The following SMAD1 variants were observed in gnomAD, a reference collection of about 807,000 sequenced individuals.
The protein encoded by SMAD1 is SMAD family member 1.
Under a neutral mutation model 41.6 loss-of-function variants are expected in SMAD1, and 6 were observed. That is an observed-to-expected ratio of 0.14 (90% CI 0.08 to 0.28). The LOEUF is 0.28. SMAD1 is among the 10% of genes least tolerant of loss of function. SMAD1 has a pLI of 1.00. For synonymous variants in SMAD1, 206 were observed against 203.2 expected (o/e 1.01, Z -0.12); for missense variants, 379 against 582.6 (o/e 0.65, Z 3.60).
intron 2 of SMAD1, among the ~76,000 whole-genome samples, chr4:145,532,582 T>C (rs1317925425): frequency 6.6e-6 from 1 of 152,254 alleles, no homozygotes; most frequent in Non-Finnish European, 1.5e-5. Flanking sequence ...GTTTTAACAT[T>C]GGGCTCTTCT....
At chr4:145,499,904 C>T (rs1314439743) in intron 1 of SMAD1, among the ~76,000 whole-genome samples, 4 of 152,008 alleles carry the variant, frequency 2.6e-5, no homozygotes, top group East Asian at 1.9e-4. Flanking sequence ...TATTCAATCT[C>T]TGGGTAGAAA....
chr4:145,514,858 G>C lies in SMAD1; in HGVS notation c.245G>C (p.Gly82Ala), dbSNP rs1244767218. ...DGRLQVSHRKGLPHVIYCRVW... is the reference protein window; with the variant it reads ...DGRLQVSHRKALPHVIYCRVW... ...AGGCTGCAAGTCTCCCACCGGAAGG[G>C]ACTGCCTCATGTCATTTACTGCCGT... is the stretch of plus-strand genomic sequence containing the variant. Residue 82 changes from glycine to alanine, a missense_variant, in exon 2 of 7, where the codon GGA becomes GCA. By Grantham distance (60) the Gly-to-Ala change is moderately conservative. Coordinates refer to ENST00000302085, the MANE Select transcript of SMAD1 (RefSeq NM_005900.3). This position sits in a 1 kb window ranked among gnomAD's most constrained non-coding sequence, Gnocchi z 4.7. 6.2e-7 allele frequency: 1 copy of C among 1,614,050 alleles called. No homozygotes were observed.
chr4:145,506,078 T>A (rs11937328), intron 1 of SMAD1, among the ~76,000 whole-genome samples: 1 of 152,058 alleles, frequency 6.6e-6, no homozygotes, highest in South Asian at 2.1e-4. Context: ...TCTTGACTGG[T>A]GATCCCCCCT....
chr4:145,497,309 C>T (rs965106254), intron 1 of SMAD1: 2 of 152,158 alleles, frequency 1.3e-5, no homozygotes, highest in African/African-American at 4.8e-5. Context: ...TGGAAGATGT[C>T]GTTGTAGCAC....
chr4:145,548,935 C>G (rs755524307), intron 5 of SMAD1, among the ~76,000 whole-genome samples: 6 of 152,196 alleles, frequency 3.9e-5, no homozygotes, highest in Non-Finnish European at 7.4e-5. Flanking sequence ...TATCATATAC[C>G]TCCAGATGTC....
At chr4:145,509,210 C>T (rs924653142) in intron 1 of SMAD1, among the ~76,000 whole-genome samples, 4 of 152,186 alleles carry the variant, frequency 2.6e-5, no homozygotes, top group African/African-American at 9.7e-5. Context: ...TTAGAATTAG[C>T]ATGCAGGTTA....
chr4:145,507,367 A>ATGTTCTGCGT (rs1729847276), intron 1 of SMAD1, among the ~76,000 whole-genome samples: 1 of 152,112 alleles, frequency 6.6e-6, no homozygotes, highest in African/African-American at 2.4e-5. Flanking sequence ...ACATATAACC[A>ATGTTCTGCGT]ACCATTTTAT....
intron 1 of SMAD1, among the ~76,000 whole-genome samples, chr4:145,494,371 C>T (rs182230537): frequency 3.3e-5 from 5 of 152,236 alleles, no homozygotes; most frequent in African/African-American, 7.2e-5. Context: ...ATTGTAAGTA[C>T]AGGACCTGCA....
rs375118739 is a variant in SMAD1, at chr4:145,556,528, C to T, written c.1255-1263C>T. On this transcript the variant is annotated intron_variant, in intron 6 of 6. Coordinates refer to ENST00000302085, the MANE Select transcript of SMAD1 (RefSeq NM_005900.3). ...CTGGAGTGCAATGGTGTGATCTCGGCTCACTGCAACCTCTGCCTCCCAGCT... is the reference window on the plus strand; with the variant it reads ...CTGGAGTGCAATGGTGTGATCTCGGTTCACTGCAACCTCTGCCTCCCAGCT... Among the ~76,000 whole-genome samples, 66 of 151,160 alleles carry T rather than the reference C, an allele frequency of 4.4e-4. 1 individual carries two copies. The South Asian group carries it at 0.012, about 27-fold the overall frequency.
intron 6 of SMAD1, 105 bp from the exon 7 acceptor site, chr4:145,557,686 A>G: frequency 1.2e-6 from 1 of 817,254 alleles, no homozygotes. Context: ...GGGAGGAAAG[A>G]TGCATAGCTT....
intron 2 of SMAD1, among the ~76,000 whole-genome samples, chr4:145,537,083 G>A (rs1056588229): frequency 1.3e-5 from 2 of 152,086 alleles, no homozygotes; most frequent in Non-Finnish European, 2.9e-5. Context: ...CAGATTACAG[G>A]ACACTAAAGA....
At chr4:145,486,383 TTGTC>T (rs770983575) in intron 1 of SMAD1, among the ~76,000 whole-genome samples, 3 of 152,218 alleles carry the variant, frequency 2.0e-5, no homozygotes, top group Non-Finnish European at 4.4e-5. Flanking sequence ...GTAATTCAGT[TTGTC>T]TGTCTTACCA....
intron 2 of SMAD1, among the ~76,000 whole-genome samples, chr4:145,537,358 C>G (rs1731666578): frequency 6.6e-6 from 1 of 152,032 alleles, no homozygotes; most frequent in Non-Finnish European, 1.5e-5. Context: ...TATTTGTGTT[C>G]TAGGGCTGGG....
chr4:145,533,619 G>A (rs1342239546), intron 2 of SMAD1, among the ~76,000 whole-genome samples: 3 of 152,162 alleles, frequency 2.0e-5, no homozygotes, highest in Non-Finnish European at 4.4e-5. Flanking sequence ...AGGAGTTTGA[G>A]GCTGAATTGC....
intron 2 of SMAD1, among the ~76,000 whole-genome samples, chr4:145,519,420 T>G (rs1449715469): frequency 6.8e-6 from 1 of 146,382 alleles, no homozygotes; most frequent in Admixed American, 6.8e-5. Flanking sequence ...TTCACCATAC[T>G]AATTTCTTTT....
chr4:145,540,292 C>A (rs1397357160), intron 3 of SMAD1, among the ~76,000 whole-genome samples: 1 of 152,170 alleles, frequency 6.6e-6, no homozygotes, highest in Non-Finnish European at 1.5e-5. Context: ...CTATATTTTC[C>A]CCTTGTTTTT....
At chr4:145,547,748 C>T (rs920590571) in intron 5 of SMAD1, among the ~76,000 whole-genome samples, 1 of 152,110 alleles carries the variant, frequency 6.6e-6, no homozygotes, top group East Asian at 1.9e-4. Context: ...AAAGTAAACC[C>T]TGTGAAGGAG....
chr4:145,519,405 T>TGG (rs1235743551), intron 2 of SMAD1, among the ~76,000 whole-genome samples: 50,315 of 149,840 alleles, frequency 0.34, 10,432 homozygotes, highest in Non-Finnish European at 0.48. Flanking sequence ...TGAACCTTTT[T>TGG]TTTTTTCACC....
intron 2 of SMAD1, among the ~76,000 whole-genome samples, chr4:145,528,365 A>C (rs1481494204): frequency 6.6e-6 from 1 of 151,966 alleles, no homozygotes; most frequent in African/African-American, 2.4e-5. Context: ...AGCCTCCCAA[A>C]GTGCTGGGAT....
Sources: allele counts gnomAD v4.1 joint callset (sites outside exome capture counted in the v4.1 genomes callset), GRCh38; gene constraint gnomAD v4.1.1; non-coding constraint Gnocchi (gnomAD v3.1); transcripts MANE v1.5; gene names NCBI Gene and HGNC (gene_info 2026-07-23, HGNC 2026-07-21).